BLTP1: variants seen among roughly 807,000 people sequenced by gnomAD.
The protein encoded by BLTP1 is bridge-like lipid transfer protein family member 1, also known as fragile site-associated protein.
the BLTP1 span, chr4:122,336,715 A>T: frequency 1.1e-6 from 1 of 897,606 alleles, no homozygotes; most frequent in African/African-American, 1.8e-5. Flanking sequence ...TGGGGGAATG[A>T]GCAAGAGGTG....
chr4:122,294,327 C>A, the BLTP1 span, among the ~76,000 whole-genome samples: 1 of 152,236 alleles, frequency 6.6e-6, no homozygotes, highest in Admixed American at 6.5e-5. Flanking sequence ...CAACAGGGGT[C>A]TCCAGACACC....
At chr4:122,322,870 T>C in the BLTP1 span, among the ~76,000 whole-genome samples, 5 of 152,182 alleles carry the variant, frequency 3.3e-5, no homozygotes, top group African/African-American at 9.6e-5. Context: ...AGGGCATTTT[T>C]TCTTATTCAG....
the BLTP1 span, chr4:122,235,567 A>T: frequency 3.3e-6 from 2 of 608,988 alleles, no homozygotes; most frequent in East Asian, 1.4e-4. Context: ...GCACTTTGGG[A>T]GGCCAAGGTG....
At chr4:122,243,233 A>G in the BLTP1 span, among the ~76,000 whole-genome samples, 1 of 152,336 alleles carries the variant, frequency 6.6e-6, no homozygotes, top group East Asian at 1.9e-4. Flanking sequence ...CTACATTTAT[A>G]AGTAGTCAGT....
At chr4:122,174,928 A>T in the BLTP1 span, 1 of 520,034 alleles carries the variant, frequency 1.9e-6, no homozygotes, top group Non-Finnish European at 2.5e-6. Flanking sequence ...ACCATTTTAT[A>T]TCACAGAGTT....
At chr4:122,201,047 G>A in the BLTP1 span, 4 of 1,613,578 alleles carry the variant, frequency 2.5e-6, no homozygotes, top group Middle Eastern at 1.7e-4. Context: ...TATGGAACAT[G>A]CCGCAGACAT....
chr4:122,273,687 C>T, the BLTP1 span, among the ~76,000 whole-genome samples: 1 of 151,884 alleles, frequency 6.6e-6, no homozygotes, highest in Non-Finnish European at 1.5e-5. Flanking sequence ...CTCAGCAATT[C>T]GAGGTCTGCA....
chr4:122,169,492 C>G, the BLTP1 span: 1 of 335,536 alleles, frequency 3.0e-6, no homozygotes, highest in Non-Finnish European at 4.2e-6. Flanking sequence ...TTTTTTTGCT[C>G]TTTCTGGTTT....
the BLTP1 span, chr4:122,174,721 A>G: frequency 8.4e-7 from 1 of 1,195,390 alleles, no homozygotes. Flanking sequence ...AAAATGTTTT[A>G]TGATATTTTA....
chr4:122,251,159 A>G, the BLTP1 span: 2 of 948,488 alleles, frequency 2.1e-6, no homozygotes, highest in South Asian at 4.9e-5. Flanking sequence ...AAGTCTCTTT[A>G]CCTGTAATAG....
At chr4:122,175,219 A>G in the BLTP1 span, 2 of 984,670 alleles carry the variant, frequency 2.0e-6, no homozygotes, top group Admixed American at 1.2e-4. Flanking sequence ...GAGAGGTGCT[A>G]GAGTTTGGCA....
chr4:122,311,645 G>A, the BLTP1 span, among the ~76,000 whole-genome samples: 2 of 152,062 alleles, frequency 1.3e-5, no homozygotes, highest in African/African-American at 4.8e-5. Flanking sequence ...AATGTTTATT[G>A]AGAAATGCAT....
At chr4:122,207,286 A>G in the BLTP1 span, 2 of 1,579,538 alleles carry the variant, frequency 1.3e-6, no homozygotes, top group Non-Finnish European at 1.7e-6. Context: ...AAAAAAAATT[A>G]GGTTAAATAT....
At chr4:122,186,260 T>G in the BLTP1 span, 1 of 1,538,080 alleles carries the variant, frequency 6.5e-7, no homozygotes, top group Admixed American at 2.0e-5. Flanking sequence ...AACTCTAGCA[T>G]TTAAACATTT....
At chr4:122,226,633 TC>T in the BLTP1 span, 1 of 1,585,526 alleles carries the variant, frequency 6.3e-7, no homozygotes, top group South Asian at 1.2e-5. Flanking sequence ...TTAACATTCT[TC>T]AGAAGCTTTT....
the BLTP1 span, chr4:122,222,939 A>T: frequency 0.067 from 62,068 of 924,870 alleles, 2,817 homozygotes; most frequent in East Asian, 0.29. Flanking sequence ...TGTAGGCTAT[A>T]CCTTAGGAAA....
chr4:122,196,007 C>T, the BLTP1 span, among the ~76,000 whole-genome samples: 869 of 152,282 alleles, frequency 5.7e-3, 4 homozygotes, highest in Non-Finnish European at 8.6e-3. Context: ...ATATCTTGGG[C>T]TCTTTCATTT....
chr4:122,309,509 A>G, the BLTP1 span: 39 of 1,550,352 alleles, frequency 2.5e-5, no homozygotes, highest in Admixed American at 1.8e-5. Flanking sequence ...CTTAAAAAAT[A>G]AAACATTAAG....
chr4:122,221,220 A>G, the BLTP1 span: 1 of 180,488 alleles, frequency 5.5e-6, no homozygotes, highest in African/African-American at 2.4e-5. Context: ...TGATCATTTT[A>G]TTTAAAATAG....
Sources: allele counts gnomAD v4.1 joint callset (sites outside exome capture counted in the v4.1 genomes callset), GRCh38; gene constraint gnomAD v4.1.1; transcripts MANE v1.5; gene names NCBI Gene and HGNC (gene_info 2026-07-23, HGNC 2026-07-21).